AKAP13: variants seen among roughly 807,000 people sequenced by gnomAD.
AKAP13 encodes A-kinase anchoring protein 13.
A neutral mutation model predicts 264.5 loss-of-function variants in AKAP13; 80 were observed. The ratio of observed to expected loss-of-function variants is 0.30; its 90% CI spans 0.25 to 0.36. The LOEUF (loss-of-function observed/expected upper bound fraction) is 0.36, where lower values mean the gene tolerates loss of function less well. AKAP13 is among the 10% of genes least tolerant of loss of function. The probability of loss-of-function intolerance (pLI) is 1.00; values close to 1 mark genes in which losing one functional copy is unlikely to be tolerated. For missense variants in AKAP13, 3,712 were observed against 3,435.2 expected (o/e 1.08, Z -2.01); for synonymous variants, 1,380 against 1,250.2 (o/e 1.10, Z -2.19).
At chr15:85,639,313 C>T (rs2082201503) in intron 8 of AKAP13, 61 bp from the exon 9 acceptor site, 1 of 1,167,610 alleles carries the variant, frequency 8.6e-7, no homozygotes, top group Non-Finnish European at 1.3e-6. Flanking sequence ...AATTTTGGCA[C>T]CTGTAAAATT....
Position 85,684,726 on chromosome 15 carries a change from C to A in AKAP13, c.5157-15C>A. 1.3e-6 allele frequency: 2 copies of A among 1,599,372 alleles called. No homozygotes were observed. The highest frequency in any genetic ancestry group is 8.5e-7 in the Non-Finnish European group (1 of 1,175,608). On this transcript the variant is annotated splice_polypyrimidine_tract_variant and intron_variant, in intron 15 of 36. Transcript: ENST00000394518. ...TAGCCCTTTAAAAAAAATCAATCTT[C>A]TTGTTTTTATTTAGTATAACAGAAG...
At chr15:85,523,302 G>C (rs1015735813) in intron 3 of AKAP13, among the ~76,000 whole-genome samples, 1 of 152,130 alleles carries the variant, frequency 6.6e-6, no homozygotes, top group Non-Finnish European at 1.5e-5. Flanking sequence ...TGGAGGGGTA[G>C]AGATAGAGGC....
chr15:85,480,131 G>A (rs934380372), intron 1 of AKAP13, among the ~76,000 whole-genome samples: 1 of 152,190 alleles, frequency 6.6e-6, no homozygotes, highest in Admixed American at 6.5e-5. Flanking sequence ...AAAATTTCCT[G>A]TAATCTCCAG....
intron 17 of AKAP13, among the ~76,000 whole-genome samples, chr15:85,703,612 C>T (rs752995787): frequency 6.6e-6 from 1 of 152,128 alleles, no homozygotes; most frequent in East Asian, 1.9e-4. Flanking sequence ...AAGGCTGAGG[C>T]GGGTGGATCA....
chr15:85,530,450 A>G (rs912663374), intron 3 of AKAP13, among the ~76,000 whole-genome samples: 2 of 152,220 alleles, frequency 1.3e-5, no homozygotes, highest in African/African-American at 4.8e-5. Context: ...TCAATAAGAA[A>G]GGAAAAGGAC....
chr15:85,577,679 A>G lies in AKAP13; in HGVS notation c.862-1251A>G, dbSNP rs533734105. The G allele has an allele frequency of 1.4e-4, 73 of 509,020 alleles. 1 individual carries two copies. In the South Asian group the frequency reaches 3.7e-3, roughly 26 times the overall value. 31.5% of individuals were successfully genotyped at this position (509,020 alleles called of 1,614,324 possible). A position where few individuals can be genotyped will look rare whatever the true frequency, so the allele number is the denominator to read the frequency against. The stretch of plus-strand genomic sequence containing the variant: ...GCAAAATCCATTTTTGAGATTACAT[A>G]TAGTATCCATAATATACTCTGACAG... On this transcript the variant is annotated intron_variant, in intron 6 of 36. Transcript: ENST00000394518.
At chr15:85,397,016 A>G (rs1031260240) in intron 1 of AKAP13, among the ~76,000 whole-genome samples, 3 of 128,580 alleles carry the variant, frequency 2.3e-5, no homozygotes, top group Non-Finnish European at 4.8e-5. Context: ...TGTTCCCCCC[A>G]TTGAATTTGG....
rs186749358 is a variant in AKAP13 at position 85,471,988 on chromosome 15, A to G, written c.-11-13722A>G. On this transcript the variant is annotated intron_variant, in intron 1 of 36. Coordinates refer to ENST00000394518, the MANE Select transcript of AKAP13 (RefSeq NM_007200.5). ...TAATATATTTACCATGTATCTCTCT[A>G]TTTTAAAAGATCTTTAGTTTTGTAT... Among the ~76,000 whole-genome samples the G allele has an allele frequency of 1.1e-3, 169 of 152,198 alleles. 1 individual carries two copies. The highest frequency in any genetic ancestry group is 3.9e-3 in the African/African-American group (163 of 41,528).
At chr15:85,517,293 C>T (rs1567099789) in intron 2 of AKAP13, among the ~76,000 whole-genome samples, 2 of 152,140 alleles carry the variant, frequency 1.3e-5, no homozygotes, top group African/African-American at 4.8e-5. Context: ...TCCATTCATC[C>T]CTGCACTGTA....
At chr15:85,544,035 A>G in intron 5 of AKAP13, 80 bp downstream of exon 5, 1 of 1,530,122 alleles carries the variant, frequency 6.5e-7, no homozygotes, top group Non-Finnish European at 9.0e-7. Context: ...CCCACTTGGC[A>G]TCTCATTGTG....
chr15:85,662,531 C>T, intron 12 of AKAP13: 1 of 1,550,192 alleles, frequency 6.5e-7, no homozygotes, highest in Non-Finnish European at 8.9e-7. Flanking sequence ...TTGGAGCTGG[C>T]TTCTGTGTGG....
At position 85,741,355 on chromosome 15, in the gene AKAP13, C is replaced by A; in HGVS notation, c.7918C>A (p.Leu2640Ile). ...GGACCTGGAAAAGGAGCGGGAGGAGCTCCAGCAGAAGAAGGGCACATACCA... is the reference window on the plus strand; with the variant it reads ...GGACCTGGAAAAGGAGCGGGAGGAGATCCAGCAGAAGAAGGGCACATACCA... ...QQDLEKEREE[L>I]QQKKGTYQYD... Residue 2640 changes from leucine (L) to isoleucine (I), a missense_variant, in exon 35 of 37, where the codon CTC becomes ATC. This residue lies in a region of AKAP13 where 611 missense variants were observed against 539.3 expected (regional missense o/e 1.13). Coordinates refer to ENST00000394518, the MANE Select transcript of AKAP13 (RefSeq NM_007200.5). The A allele has an allele frequency of 1.2e-6, 2 of 1,613,946 alleles. No homozygotes were observed. Among genetic ancestry groups the A allele is most frequent in the Non-Finnish European group, 1.7e-6 (2 of 1,180,002 alleles).
At chr15:85,578,125 A>G (rs915048770) in intron 6 of AKAP13, among the ~76,000 whole-genome samples, 2 of 152,180 alleles carry the variant, frequency 1.3e-5, no homozygotes, top group African/African-American at 4.8e-5. Flanking sequence ...TCTACAAAAA[A>G]TAAAACAATT....
chr15:85,556,170 A>G (rs2078137532), intron 5 of AKAP13, among the ~76,000 whole-genome samples: 1 of 152,248 alleles, frequency 6.6e-6, no homozygotes. Context: ...CACATGCAAC[A>G]TGGAAATACA....
chr15:85,697,526 G>A (rs750942844), intron 17 of AKAP13, among the ~76,000 whole-genome samples: 13 of 152,076 alleles, frequency 8.5e-5, no homozygotes, highest in African/African-American at 2.9e-4. Flanking sequence ...CTGAGGTCGC[G>A]CCACTGCACT....
intron 12 of AKAP13, chr15:85,662,552 T>A: frequency 7.6e-7 from 1 of 1,317,802 alleles, no homozygotes; most frequent in Non-Finnish European, 1.1e-6. Context: ...CTGGGATGCA[T>A]ATGGGCAGCC....
chr15:85,458,386 G>GTTTTTTTTTTTTTTTTTTTTTTTTTTTTT (rs1160050565), intron 1 of AKAP13, among the ~76,000 whole-genome samples: 1 of 103,932 alleles, frequency 9.6e-6, no homozygotes, highest in African/African-American at 5.1e-5. Context: ...TGTATTTTTT[G>GTTTTTTTTTTTTTTTTTTTTTTTTTTTTT]TTTTTTGTTT....
At chr15:85,501,082 G>T (rs1264262548) in intron 2 of AKAP13, among the ~76,000 whole-genome samples, 6 of 152,164 alleles carry the variant, frequency 3.9e-5, no homozygotes, top group South Asian at 4.1e-4. Context: ...AAGAAGGCCA[G>T]GGGTGATCTT....
At chr15:85,384,646 G>A (rs1398987700) in intron 1 of AKAP13, among the ~76,000 whole-genome samples, 1 of 151,634 alleles carries the variant, frequency 6.6e-6, no homozygotes, top group African/African-American at 2.4e-5. Flanking sequence ...GAACCCGGGA[G>A]GTGGAGGTTG....
Sources: allele counts gnomAD v4.1 joint callset (sites outside exome capture counted in the v4.1 genomes callset), GRCh38; gene constraint gnomAD v4.1.1; regional missense constraint gnomAD v4.1.1; transcripts MANE v1.5; gene names NCBI Gene and HGNC (gene_info 2026-07-23, HGNC 2026-07-21).